Variants in FGF14 observed in about 807,000 individuals in gnomAD.
FGF14 encodes the protein fibroblast growth factor homologous factor 4.
FGF14 carries 5 observed loss-of-function variants against 25.5 expected under a neutral mutation model. That is an observed-to-expected ratio of 0.20 (90% CI 0.10 to 0.41). The LOEUF is 0.41. Ranked by LOEUF, FGF14 falls within the 10% of genes least tolerant of loss-of-function variation. FGF14 has a pLI of 1.00. For synonymous variants in FGF14, 138 were observed against 118.3 expected (o/e 1.17, Z -1.08); for missense variants, 222 against 320.1 (o/e 0.69, Z 2.34).
intron 1 of FGF14, among the ~76,000 whole-genome samples, chr13:102,155,090 A>C (rs1247848555): frequency 1.3e-5 from 2 of 152,228 alleles, no homozygotes; most frequent in Non-Finnish European, 2.9e-5. Flanking sequence ...CACTGTCAAC[A>C]TTAGACAGAT....
intron 3 of FGF14, among the ~76,000 whole-genome samples, chr13:101,811,129 C>A (rs1594332726): frequency 6.7e-6 from 1 of 148,312 alleles, no homozygotes; most frequent in South Asian, 2.2e-4. Context: ...CAGCCAAAGT[C>A]TATCCCTTAC....
At chr13:102,026,707 C>T (rs1454631277) in intron 1 of FGF14, among the ~76,000 whole-genome samples, 1 of 151,946 alleles carries the variant, frequency 6.6e-6, no homozygotes, top group Non-Finnish European at 1.5e-5. Flanking sequence ...AACTACTTTT[C>T]ACTTTAATAT....
chr13:102,158,537 G>T (rs530595723), intron 1 of FGF14, among the ~76,000 whole-genome samples: 18 of 151,020 alleles, frequency 1.2e-4, no homozygotes, highest in East Asian at 1.1e-3. Context: ...GGGGTAGCGG[G>T]GGGGGGATAC....
At chr13:102,109,922 T>A (rs774068037) in intron 1 of FGF14, among the ~76,000 whole-genome samples, 1 of 152,150 alleles carries the variant, frequency 6.6e-6, no homozygotes, top group Non-Finnish European at 1.5e-5. Flanking sequence ...AGCCAGATGG[T>A]AAGTATTCTT....
At chr13:102,377,229 C>T (rs984900853) in intron 1 of FGF14, among the ~76,000 whole-genome samples, 2 of 152,154 alleles carry the variant, frequency 1.3e-5, no homozygotes, top group African/African-American at 2.4e-5. Context: ...AGCAGAATCA[C>T]CAATAGCAAA....
At chr13:101,897,893 A>G (rs1163918099) in intron 1 of FGF14, among the ~76,000 whole-genome samples, 1 of 151,154 alleles carries the variant, frequency 6.6e-6, no homozygotes, top group Non-Finnish European at 1.5e-5. Context: ...TTTTTAATTT[A>G]TTTTATTTTT....
intron 1 of FGF14, among the ~76,000 whole-genome samples, chr13:102,106,126 A>G (rs919697101): frequency 6.6e-6 from 1 of 152,186 alleles, no homozygotes; most frequent in Non-Finnish European, 1.5e-5. Flanking sequence ...CCAGATAAAC[A>G]TATTTATTTT....
intron 1 of FGF14, among the ~76,000 whole-genome samples, chr13:102,134,591 G>T (rs1383795757): frequency 1.3e-5 from 2 of 152,130 alleles, no homozygotes; most frequent in African/African-American, 4.8e-5. Flanking sequence ...GTGAGAACAA[G>T]GTCACTGTGT....
chr13:101,814,936 T>TA (rs966871360), intron 3 of FGF14, among the ~76,000 whole-genome samples: 4 of 152,068 alleles, frequency 2.6e-5, no homozygotes, highest in Admixed American at 2.6e-4. Flanking sequence ...AACCTGTAAA[T>TA]AAAATAAAAC....
At chr13:102,368,508 T>TCA (rs2057781794) in intron 1 of FGF14, among the ~76,000 whole-genome samples, 2 of 152,210 alleles carry the variant, frequency 1.3e-5, no homozygotes, top group African/African-American at 4.8e-5. Flanking sequence ...CTTTTTCCCC[T>TCA]CATCGGACCT....
chr13:101,848,575 A>G (rs1281064541), intron 3 of FGF14, among the ~76,000 whole-genome samples: 2 of 152,042 alleles, frequency 1.3e-5, no homozygotes, highest in Non-Finnish European at 1.5e-5. Flanking sequence ...AAATCCAGGA[A>G]CTATAGGTAA....
At chr13:102,168,228 GA>G (rs1303036678) in intron 1 of FGF14, among the ~76,000 whole-genome samples, 1 of 152,100 alleles carries the variant, frequency 6.6e-6, no homozygotes, top group Non-Finnish European at 1.5e-5. Flanking sequence ...CCTGAAGAAT[GA>G]AGAAAAAGGT....
At chr13:101,813,468 T>C (rs2041679469) in intron 3 of FGF14, among the ~76,000 whole-genome samples, 2 of 152,050 alleles carry the variant, frequency 1.3e-5, no homozygotes, top group South Asian at 4.1e-4. Flanking sequence ...CACTCTACCA[T>C]TAGATGATGC....
intron 3 of FGF14, among the ~76,000 whole-genome samples, chr13:101,849,841 T>G (rs1321611626): frequency 6.6e-6 from 1 of 152,018 alleles, no homozygotes; most frequent in Non-Finnish European, 1.5e-5. Flanking sequence ...GCTCTCCCCC[T>G]AATTAACTGA....
intron 1 of FGF14, among the ~76,000 whole-genome samples, chr13:102,189,429 A>G (rs2049038525): frequency 6.6e-6 from 1 of 152,214 alleles, no homozygotes; most frequent in African/African-American, 2.4e-5. Flanking sequence ...TAACCAATTA[A>G]GAATTAAGAA....
At chr13:101,799,334 T>C (rs1226970665) in intron 3 of FGF14, among the ~76,000 whole-genome samples, 1 of 152,090 alleles carries the variant, frequency 6.6e-6, no homozygotes, top group East Asian at 1.9e-4. Context: ...AGTGCCTTCG[T>C]GTGACATTGA....
At chr13:102,183,269 T>C (rs1270982549) in intron 1 of FGF14, among the ~76,000 whole-genome samples, 2 of 152,226 alleles carry the variant, frequency 1.3e-5, no homozygotes, top group African/African-American at 4.8e-5. Context: ...ATTTCTATTA[T>C]ATTTTCAGTA....
intron 1 of FGF14, among the ~76,000 whole-genome samples, chr13:101,989,450 C>A (rs1028613820): frequency 6.6e-6 from 1 of 151,938 alleles, no homozygotes; most frequent in African/African-American, 2.4e-5. Flanking sequence ...TACATTATAA[C>A]GTGTTTTCTA....
chr13:101,776,356 G>C (rs1482050789), intron 3 of FGF14, among the ~76,000 whole-genome samples: 1 of 152,156 alleles, frequency 6.6e-6, no homozygotes, highest in East Asian at 1.9e-4. Context: ...TTAACTTGAA[G>C]CCATCATCAT....
Sources: gnomAD v4.1 joint callset for allele counts (sites outside exome capture counted in the v4.1 genomes callset) on GRCh38, gnomAD v4.1.1 for gene constraint, MANE v1.5 for transcripts, NCBI Gene and HGNC (gene_info 2026-07-23, HGNC 2026-07-21) for gene names.